The following TAFA4 variants were observed in gnomAD, a reference collection of about 807,000 sequenced individuals.
The protein encoded by TAFA4 is chemokine-like protein TAFA-4.
A neutral mutation model predicts 21.1 loss-of-function variants in TAFA4; 20 were observed. That is an observed-to-expected ratio of 0.95 (90% CI 0.67 to 1.38). The LOEUF is 1.38. Ranked by LOEUF, TAFA4 falls within the 40% of genes most tolerant of loss-of-function variation. The pLI is 0.00. For missense variants in TAFA4, 211 were observed against 180.9 expected (o/e 1.17, Z -0.95); for synonymous variants, 71 against 67.4 (o/e 1.05, Z -0.26).
chr3:68,909,526 A>G (rs1204434984), intron 1 of TAFA4, among the ~76,000 whole-genome samples: 1 of 152,142 alleles, frequency 6.6e-6, no homozygotes, highest in Non-Finnish European at 1.5e-5. Context: ...AAACACCTCA[A>G]AAGACTATGA....
rs1047825780 is a variant in TAFA4 at position 68,802,435 on chromosome 3, T to C, written c.131-49417A>G. Among the ~76,000 whole-genome samples, 3 of 150,458 alleles carry C rather than the reference T, an allele frequency of 2.0e-5. No individual in the cohort carries two copies. The South Asian group carries it at 6.7e-4, about 33-fold the overall frequency. ...TTGATTTCTTTAGGGGAAGGGGGGT[T>C]GGCAGGAAGGATAATTGTTAAAAAA... is the stretch of plus-strand genomic sequence containing the variant. On this transcript the variant is annotated intron_variant, in intron 3 of 5. Transcript: ENST00000295569.
intron 1 of TAFA4, among the ~76,000 whole-genome samples, chr3:68,896,316 TC>T (rs1425761361): frequency 6.6e-6 from 1 of 152,054 alleles, no homozygotes; most frequent in African/African-American, 2.4e-5. Context: ...GTAGAGAATG[TC>T]CTGATGTGGG....
intron 2 of TAFA4, among the ~76,000 whole-genome samples, chr3:68,883,332 C>T (rs1328940497): frequency 6.6e-6 from 1 of 152,234 alleles, no homozygotes; most frequent in Non-Finnish European, 1.5e-5. Flanking sequence ...GCACGTGCTC[C>T]TTCATGGTTT....
chr3:68,925,733 C>T (rs1247223699), intron 1 of TAFA4, among the ~76,000 whole-genome samples: 2 of 152,172 alleles, frequency 1.3e-5, no homozygotes, highest in African/African-American at 4.8e-5. Flanking sequence ...GCTCTCTTCA[C>T]TGATTTGTCA....
chr3:68,862,000 C>A lies in TAFA4; in HGVS notation c.130+18730G>T, dbSNP rs146406212. Among the ~76,000 whole-genome samples the A allele has an allele frequency of 2.6e-3, 390 of 152,164 alleles. 2 individuals carry two copies. The highest frequency in any genetic ancestry group is 8.7e-3 in the African/African-American group (362 of 41,534). On this transcript the variant is annotated intron_variant, in intron 3 of 5. Transcript: ENST00000295569. ...ATTATGCAACTTGTTCCACATCTGC[C>A]TCCTGCTGAGCATATTTTCCTCTTC...
intron 1 of TAFA4, among the ~76,000 whole-genome samples, chr3:68,885,825 A>G (rs2089667261): frequency 6.6e-6 from 1 of 152,206 alleles, no homozygotes; most frequent in South Asian, 2.1e-4. Context: ...ACCAAGAGAA[A>G]AAGTGTTTCC....
At chr3:68,782,247 G>A (rs952061475) in intron 3 of TAFA4, among the ~76,000 whole-genome samples, 1 of 152,134 alleles carries the variant, frequency 6.6e-6, no homozygotes, top group Admixed American at 6.5e-5. Context: ...ATGAAAAGAT[G>A]CTCAACATCA....
In TAFA4 at chr3:68,731,784, T is replaced by C. The variant is rs1007812400; in HGVS notation, c.*1358A>G. On this transcript the variant is annotated 3_prime_UTR_variant, in exon 6 of 6. Transcript: ENST00000295569. Reference sequence around the variant, plus strand: ...ACATGTATGCCATCAGCAGGATGAATTTTTTTACTTATTCATATGATCATA... The same window carrying C: ...ACATGTATGCCATCAGCAGGATGAACTTTTTTACTTATTCATATGATCATA... 1 of 152,116 alleles carries C rather than the reference T, an allele frequency of 6.6e-6. No homozygotes were observed. Among genetic ancestry groups the C allele is most frequent in the Non-Finnish European group, 1.5e-5 (1 of 68,022 alleles). 9.4% of individuals were successfully genotyped at this position (152,116 alleles called of 1,614,324 possible). A position where few individuals can be genotyped will look rare whatever the true frequency, so the allele number is the denominator to read the frequency against.
Position 68,913,859 on chromosome 3 carries a change from T to G in TAFA4, c.-123+18381A>C, listed in dbSNP as rs139854575. 4.1e-3 allele frequency among the ~76,000 whole-genome samples: 631 copies of G among 152,356 alleles called. 5 individuals are homozygous for G. The highest frequency in any genetic ancestry group is 0.014 in the African/African-American group (584 of 41,592). ...CATTCTATACCTCAGTTTCCTCACC[T>G]ATAAAATGAAGACAATAATCCTACC... On this transcript the variant is annotated intron_variant, in intron 1 of 5. Transcript: ENST00000295569.
At chr3:68,906,801 G>A (rs147092546) in intron 1 of TAFA4, among the ~76,000 whole-genome samples, 145 of 152,154 alleles carry the variant, frequency 9.5e-4, no homozygotes, top group African/African-American at 2.9e-3. Context: ...AGGCCGAGGC[G>A]GGTGGATCAC....
chr3:68,923,516 A>C (rs959368798), intron 1 of TAFA4, among the ~76,000 whole-genome samples: 1 of 152,226 alleles, frequency 6.6e-6, no homozygotes, highest in Non-Finnish European at 1.5e-5. Flanking sequence ...AACGAGAAGC[A>C]AAAATTGTCA....
chr3:68,860,152 T>A (rs567199649), intron 3 of TAFA4, among the ~76,000 whole-genome samples: 3 of 152,184 alleles, frequency 2.0e-5, no homozygotes, highest in Non-Finnish European at 4.4e-5. Flanking sequence ...TTGAAATAGT[T>A]CCTGGTAACC....
chr3:68,747,147 T>C (rs1039010709), intron 4 of TAFA4, among the ~76,000 whole-genome samples: 3 of 152,196 alleles, frequency 2.0e-5, no homozygotes, highest in African/African-American at 7.2e-5. Context: ...TTCTAATCCA[T>C]GATAAACACC....
At position 68,752,856 on chromosome 3, in the gene TAFA4, G is replaced by T; in HGVS notation, c.286+7C>A. The T allele has an allele frequency of 1.9e-6, 3 of 1,614,032 alleles. No individual in the cohort carries two copies. Among genetic ancestry groups the T allele is most frequent in the Non-Finnish European group, 2.5e-6 (3 of 1,179,992 alleles). On this transcript the variant is annotated splice_region_variant and intron_variant, in intron 4 of 5. Transcript: ENST00000295569. ...AATACCAGAGATGCTGACCAGAGAG[G>T]TCTTACCTTCAACACAAGAAGGTTG...
intron 3 of TAFA4, among the ~76,000 whole-genome samples, chr3:68,814,898 A>G (rs1159520243): frequency 1.3e-5 from 2 of 152,140 alleles, no homozygotes; most frequent in Non-Finnish European, 2.9e-5. Context: ...GCATCACACT[A>G]CCTGACTTCA....
chr3:68,801,938 G>T (rs1337022354), intron 3 of TAFA4, among the ~76,000 whole-genome samples: 2 of 143,300 alleles, frequency 1.4e-5, no homozygotes, highest in African/African-American at 5.0e-5. Context: ...CACAAAATTC[G>T]ATGTATTTTT....
In TAFA4 at chr3:68,771,161, T is replaced by C. The variant is rs544959193; in HGVS notation, c.131-18143A>G. On this transcript the variant is annotated intron_variant, in intron 3 of 5. Coordinates refer to ENST00000295569, the MANE Select transcript of TAFA4 (RefSeq NM_182522.5). ...ACTGAGAGCTACCTCCACCACTCAA[T>C]AAAACCTTGCACTCATCCTCCAAGC... 3.3e-5 allele frequency among the ~76,000 whole-genome samples: 5 copies of C among 152,260 alleles called. No homozygotes were observed. In the East Asian group the frequency reaches 7.7e-4, roughly 24 times the overall value.
chr3:68,833,122 T>C (rs1349285639), intron 3 of TAFA4, among the ~76,000 whole-genome samples: 1 of 152,218 alleles, frequency 6.6e-6, no homozygotes, highest in Non-Finnish European at 1.5e-5. Flanking sequence ...CAGCTTCCCT[T>C]GGCTAGGAAA....
At chr3:68,807,407 C>T (rs553347858) in intron 3 of TAFA4, among the ~76,000 whole-genome samples, 1 of 152,250 alleles carries the variant, frequency 6.6e-6, no homozygotes, top group Admixed American at 6.5e-5. Context: ...AACAATAATT[C>T]CCAAATCCAA....
Sources: allele counts gnomAD v4.1 joint callset (sites outside exome capture counted in the v4.1 genomes callset), GRCh38; gene constraint gnomAD v4.1.1; transcripts MANE v1.5; gene names NCBI Gene and HGNC (gene_info 2026-07-23, HGNC 2026-07-21).